FAM171B: variants seen among roughly 807,000 people sequenced by gnomAD.
FAM171B encodes the protein family with sequence similarity 171 member B, also known as protein FAM171B.
In FAM171B, 19 loss-of-function variants were observed where a neutral mutation model predicts 75.6. That is an observed-to-expected ratio of 0.25 (90% CI 0.18 to 0.37). The LOEUF (loss-of-function observed/expected upper bound fraction) is 0.37. Ranked by LOEUF, FAM171B falls within the 10% of genes least tolerant of loss-of-function variation. The pLI is 1.00. For synonymous variants in FAM171B, 367 were observed against 361.7 expected (o/e 1.01, Z -0.17); for missense variants, 848 against 982.4 (o/e 0.86, Z 1.83).
intron 1 of FAM171B, among the ~76,000 whole-genome samples, chr2:186,727,491 A>G (rs1403665211): frequency 6.6e-6 from 1 of 152,188 alleles, no homozygotes; most frequent in Admixed American, 6.5e-5. Flanking sequence ...TTTTCTGTAG[A>G]GTGCCAGATA....
intron 1 of FAM171B, among the ~76,000 whole-genome samples, chr2:186,715,620 G>A (rs556670395): frequency 1.3e-5 from 2 of 152,288 alleles, no homozygotes; most frequent in East Asian, 3.9e-4. Flanking sequence ...GGAACTCAGG[G>A]AAGGAGAGAC....
intron 1 of FAM171B, among the ~76,000 whole-genome samples, chr2:186,728,136 T>C (rs1381748889): frequency 6.6e-6 from 1 of 152,178 alleles, no homozygotes; most frequent in Non-Finnish European, 1.5e-5. Context: ...CTCAAAATGT[T>C]GACATTCTTT....
intron 1 of FAM171B, among the ~76,000 whole-genome samples, chr2:186,724,289 A>G (rs1258215836): frequency 1.3e-5 from 2 of 152,154 alleles, no homozygotes; most frequent in Non-Finnish European, 2.9e-5. Flanking sequence ...AAGACTTCTT[A>G]GGATCATTTA....
rs777816494 is a variant in FAM171B, at chr2:186,754,003, A to G, written c.966A>G (p.Ala322=). ...HNNHLIWTYD[A]PHLGYWIAAP... ...ATCATTTAATCTGGACATATGATGC[A>G]CCACATTTGGGGTACTGGATAGCAG... The change falls in exon 6 of 8, where the codon GCA becomes GCG. Residue 322 remains alanine (A), a synonymous_variant. Coordinates refer to ENST00000304698, the MANE Select transcript of FAM171B (RefSeq NM_177454.4). 5 of 1,612,872 alleles carry G rather than the reference A, an allele frequency of 3.1e-6. No individual in the cohort carries two copies. The highest frequency in any genetic ancestry group is 4.2e-6 in the Non-Finnish European group (5 of 1,179,518).
At chr2:186,720,985 G>A (rs1338733600) in intron 1 of FAM171B, among the ~76,000 whole-genome samples, 1 of 152,124 alleles carries the variant, frequency 6.6e-6, no homozygotes, top group Non-Finnish European at 1.5e-5. Flanking sequence ...GGATTTGGGA[G>A]TAAGCCATAA....
intron 1 of FAM171B, among the ~76,000 whole-genome samples, chr2:186,730,045 T>G (rs967734037): frequency 6.6e-6 from 1 of 152,122 alleles, no homozygotes; most frequent in African/African-American, 2.4e-5. Context: ...CACTGCAACC[T>G]CCGCCTCTGG....
chr2:186,712,106 A>G (rs1462949333), intron 1 of FAM171B, among the ~76,000 whole-genome samples: 2 of 152,044 alleles, frequency 1.3e-5, no homozygotes, highest in African/African-American at 2.4e-5. Context: ...TATGTTATGA[A>G]TATATATATT....
At chr2:186,728,090 G>A (rs1336736260) in intron 1 of FAM171B, among the ~76,000 whole-genome samples, 3 of 152,102 alleles carry the variant, frequency 2.0e-5, no homozygotes, top group Admixed American at 2.0e-4. Context: ...TGAAAAATAG[G>A]TGAGAATTCA....
At chr2:186,696,821 C>T (rs903886974) in intron 1 of FAM171B, among the ~76,000 whole-genome samples, 3 of 152,004 alleles carry the variant, frequency 2.0e-5, no homozygotes, top group Non-Finnish European at 4.4e-5. Flanking sequence ...TTGCTCTTAC[C>T]CAGATTCATT....
intron 4 of FAM171B, among the ~76,000 whole-genome samples, chr2:186,747,717 C>T (rs1690386393): frequency 6.6e-6 from 1 of 151,738 alleles, no homozygotes; most frequent in Admixed American, 6.6e-5. Context: ...ATTTGCTATT[C>T]TCTGTGTAAA....
At chr2:186,727,163 G>T (rs989622468) in intron 1 of FAM171B, among the ~76,000 whole-genome samples, 4 of 152,042 alleles carry the variant, frequency 2.6e-5, no homozygotes, top group African/African-American at 9.7e-5. Context: ...AATAATAGGG[G>T]CTGTCAAGAA....
intron 1 of FAM171B, among the ~76,000 whole-genome samples, chr2:186,711,129 G>A (rs949394535): frequency 3.9e-5 from 6 of 152,188 alleles, no homozygotes; most frequent in African/African-American, 1.4e-4. Context: ...GAATCTTATA[G>A]ACTGGTCTGT....
chr2:186,758,931 A>G (rs887639862), intron 6 of FAM171B, among the ~76,000 whole-genome samples: 4 of 151,906 alleles, frequency 2.6e-5, no homozygotes, highest in Non-Finnish European at 5.9e-5. Context: ...CTAACTAACC[A>G]TGCCTACTCT....
chr2:186,694,850 A>G (rs1164557006), intron 1 of FAM171B, among the ~76,000 whole-genome samples: 1 of 151,940 alleles, frequency 6.6e-6, no homozygotes. Flanking sequence ...CTAGAGACTG[A>G]GAAATCTTGC....
In FAM171B at chr2:186,765,040, C is replaced by T. The variant is rs1020346318; in HGVS notation, c.*2217C>T. ...TACTTGTTTGCTTTCAGAATAAAAC[C>T]TTATTATTTTTTACACTGCACATGC... On this transcript the variant is annotated 3_prime_UTR_variant, in exon 8 of 8. Coordinates refer to ENST00000304698, the MANE Select transcript of FAM171B (RefSeq NM_177454.4). 6.6e-6 allele frequency: 1 copy of T among 151,774 alleles called. No individual in the cohort carries two copies. The highest frequency in any genetic ancestry group is 6.6e-5 in the Admixed American group (1 of 15,194). 9.4% of individuals were successfully genotyped at this position (151,774 alleles called of 1,614,324 possible). A position where few individuals can be genotyped will look rare whatever the true frequency, so the allele number is the denominator to read the frequency against.
chr2:186,696,264 G>A (rs180859986), intron 1 of FAM171B, among the ~76,000 whole-genome samples: 2 of 151,844 alleles, frequency 1.3e-5, no homozygotes, highest in Non-Finnish European at 2.9e-5. Context: ...CAAGCCAGTG[G>A]CAAACAAGGG....
intron 1 of FAM171B, among the ~76,000 whole-genome samples, chr2:186,697,022 G>A (rs1689593089): frequency 6.6e-6 from 1 of 152,032 alleles, no homozygotes; most frequent in Non-Finnish European, 1.5e-5. Context: ...ATGGATGGAT[G>A]GATGGATGGA....
At position 186,738,313 on chromosome 2, in the gene FAM171B, G is replaced by C. The variant is rs149528382; in HGVS notation, c.239-1915G>C. ...CTTGTCCCATGCCCAAGAAGAATAA[G>C]GTACACAGACACTGGAGAATATGTA... On this transcript the variant is annotated intron_variant, in intron 1 of 7. Transcript: ENST00000304698. 3.9e-5 allele frequency among the ~76,000 whole-genome samples: 6 copies of C among 152,050 alleles called. No homozygotes were observed. The East Asian group carries it at 1.2e-3, about 30-fold the overall frequency.
In FAM171B at chr2:186,698,833, C is replaced by T. The variant is rs142924658; in HGVS notation, c.238+4422C>T. Among the ~76,000 whole-genome samples, 1,467 of 152,206 alleles carry T rather than the reference C, an allele frequency of 9.6e-3. 44 individuals carry two copies. The highest frequency in any genetic ancestry group is 0.055 in the Admixed American group (848 of 15,290). ...TAACCATCATTCTAATCTCTATCTC[C>T]GTGAGTTTAATGGTTTTACATTTTA... On this transcript the variant is annotated intron_variant, in intron 1 of 7. Transcript: ENST00000304698.
Sources: gnomAD v4.1 joint callset for allele counts (sites outside exome capture counted in the v4.1 genomes callset) on GRCh38, gnomAD v4.1.1 for gene constraint, MANE v1.5 for transcripts, NCBI Gene and HGNC (gene_info 2026-07-23, HGNC 2026-07-21) for gene names.